Variants in ZNF713 observed in about 807,000 individuals in gnomAD.
ZNF713 encodes zinc finger protein 713.
ZNF713 carries 21 observed loss-of-function variants against 28.7 expected under a neutral mutation model. The ratio of observed to expected loss-of-function variants is 0.73; its 90% CI spans 0.52 to 1.05. The LOEUF is 1.05. ZNF713 is among the 50% of genes least tolerant of loss of function. The probability of loss-of-function intolerance (pLI) is 0.00; values close to 1 mark genes in which losing one functional copy is unlikely to be tolerated. For synonymous variants in ZNF713, 167 were observed against 178.0 expected, an observed-to-expected ratio of 0.94 and a Z score of 0.49; for missense variants, 458 against 532.4, an observed-to-expected ratio of 0.86 and a Z score of 1.37.
At chr7:55,906,878 G>A (rs1463089566) in intron 2 of ZNF713, among the ~76,000 whole-genome samples, 1 of 152,144 alleles carries the variant, frequency 6.6e-6, no homozygotes, top group African/African-American at 2.4e-5. Flanking sequence ...CAATTAAGGG[G>A]GAAAAGCTGG....
At chr7:55,927,554 C>T (rs896123810) in intron 6 of ZNF713, among the ~76,000 whole-genome samples, 1 of 151,600 alleles carries the variant, frequency 6.6e-6, no homozygotes, top group African/African-American at 2.4e-5. Flanking sequence ...TAAGCAGGAA[C>T]GATTTTACTT....
At chr7:55,898,580 A>G (rs569390316) in intron 1 of ZNF713, among the ~76,000 whole-genome samples, 5 of 152,112 alleles carry the variant, frequency 3.3e-5, no homozygotes, top group Non-Finnish European at 7.4e-5. Context: ...GTGAGAATTC[A>G]CTCATTATCG....
intron 6 of ZNF713, chr7:55,924,637 G>C (rs567172908): frequency 6.6e-6 from 1 of 152,358 alleles, no homozygotes; most frequent in African/African-American, 2.4e-5. Context: ...ACTTTAGGAG[G>C]CCGAGGCAGA....
At chr7:55,922,103 T>C (rs945337665) in intron 4 of ZNF713, among the ~76,000 whole-genome samples, 2 of 152,120 alleles carry the variant, frequency 1.3e-5, no homozygotes, top group Non-Finnish European at 2.9e-5. Flanking sequence ...TTTTTTGTAT[T>C]TTCAGTAGAG....
intron 5 of ZNF713, 56 bp from the exon 6 acceptor site, chr7:55,923,551 C>G: frequency 6.9e-7 from 1 of 1,452,638 alleles, no homozygotes; most frequent in Non-Finnish European, 9.5e-7. Flanking sequence ...GGGAGTGTGT[C>G]TGAGAATTTT....
At chr7:55,923,936 T>A (rs1786046223) in intron 6 of ZNF713, 1 of 315,948 alleles carries the variant, frequency 3.2e-6, no homozygotes, top group African/African-American at 2.1e-5. Context: ...AAAGGTTATT[T>A]TGAAGGTATC....
chr7:55,892,915 CAAATTT>C (rs1785414959), intron 1 of ZNF713, among the ~76,000 whole-genome samples: 2 of 148,254 alleles, frequency 1.3e-5, no homozygotes. Context: ...ACAAGGCATA[CAAATTT>C]ACCCAGGCTG....
In ZNF713 at chr7:55,938,970, A is replaced by C. The variant is rs1786408602; in HGVS notation, c.308-12A>C. The C allele has an allele frequency of 6.4e-7, 1 of 1,557,522 alleles. No individual in the cohort carries two copies. The highest frequency in any genetic ancestry group is 8.7e-7 in the Non-Finnish European group (1 of 1,154,330). On this transcript the variant is annotated splice_polypyrimidine_tract_variant and intron_variant, in intron 6 of 6. Transcript: ENST00000429591. The stretch of plus-strand genomic sequence containing the variant: ...TATTGGAAAGTATTTGTATGTTCTG[A>C]ATTTCTTTTAGATGGAGAAAACAGA...
intron 2 of ZNF713, 140 bp downstream of exon 2, chr7:55,906,519 T>C (rs748337802): frequency 2.6e-5 from 4 of 152,228 alleles, no homozygotes; most frequent in Non-Finnish European, 2.9e-5. Context: ...GGTCAAGATA[T>C]CTGCAGAGAA....
chr7:55,911,500 T>G (rs1785782746), intron 2 of ZNF713, 116 bp from the exon 3 acceptor site: 1 of 152,196 alleles, frequency 6.6e-6, no homozygotes, highest in Non-Finnish European at 1.5e-5. Context: ...TGCCACACCT[T>G]ACTGTGCTCT....
intron 6 of ZNF713, among the ~76,000 whole-genome samples, chr7:55,936,511 C>T (rs1196145580): frequency 6.6e-6 from 1 of 152,114 alleles, no homozygotes; most frequent in Non-Finnish European, 1.5e-5. Flanking sequence ...TATCTGGTTA[C>T]CCAACTTCAA....
At position 55,888,231 on chromosome 7, in the gene ZNF713, A is replaced by C. The variant is rs116017282; in HGVS notation, c.-583+551A>C. On this transcript the variant is annotated intron_variant, in intron 1 of 6. Coordinates refer to ENST00000429591, the MANE Select transcript of ZNF713 (RefSeq NM_182633.3). ...TTTTTCTCCTTTTTATCTGTATTTC[A>C]TTGAGTATGATATTTGTGGTAAGGG... is the stretch of plus-strand genomic sequence containing the variant. 4.8e-3 allele frequency among the ~76,000 whole-genome samples: 731 copies of C among 152,086 alleles called. 3 individuals are homozygous for C. The highest frequency in any genetic ancestry group is 0.017 in the African/African-American group (700 of 41,464).
intron 6 of ZNF713, among the ~76,000 whole-genome samples, chr7:55,938,019 C>T (rs925342679): frequency 2.0e-5 from 3 of 152,112 alleles, no homozygotes; most frequent in Non-Finnish European, 4.4e-5. Flanking sequence ...GCCTGGCCAA[C>T]ATGGTGAAAC....
intron 4 of ZNF713, among the ~76,000 whole-genome samples, chr7:55,917,819 T>TAA (rs1245107042): frequency 6.6e-6 from 1 of 152,184 alleles, no homozygotes; most frequent in Non-Finnish European, 1.5e-5. Flanking sequence ...AAATTTGTGT[T>TAA]AAAACTAGAG....
At chr7:55,925,988 C>T (rs1786088000) in intron 6 of ZNF713, among the ~76,000 whole-genome samples, 1 of 152,070 alleles carries the variant, frequency 6.6e-6, no homozygotes. Context: ...ACACAGACCC[C>T]CAACTCGAAA....
At chr7:55,892,598 C>T (rs537054780) in intron 1 of ZNF713, among the ~76,000 whole-genome samples, 4 of 133,348 alleles carry the variant, frequency 3.0e-5, no homozygotes, top group South Asian at 2.4e-4. Context: ...ATAGGCTGGG[C>T]GCGGTGGCTC....
intron 4 of ZNF713, among the ~76,000 whole-genome samples, chr7:55,915,303 T>C (rs1480682828): frequency 1.3e-5 from 2 of 152,242 alleles, no homozygotes; most frequent in Non-Finnish European, 2.9e-5. Context: ...TCAATAAATA[T>C]TTTTTGAGTA....
chr7:55,923,323 T>C (rs764902813), intron 5 of ZNF713, 35 bp downstream of exon 5: 1 of 1,582,308 alleles, frequency 6.3e-7, no homozygotes, highest in East Asian at 2.2e-5. Context: ...CGGAAGCCGT[T>C]CACGTGGGTT....
intron 1 of ZNF713, among the ~76,000 whole-genome samples, chr7:55,887,948 C>T (rs73358448): frequency 0.027 from 3,795 of 143,088 alleles, 164 homozygotes; most frequent in African/African-American, 0.097. Flanking sequence ...CCCCGCTGTC[C>T]CCATTCCTGT....
Sources: allele counts gnomAD v4.1 joint callset (sites outside exome capture counted in the v4.1 genomes callset), GRCh38; gene constraint gnomAD v4.1.1; transcripts MANE v1.5; gene names NCBI Gene and HGNC (gene_info 2026-07-23, HGNC 2026-07-21).